Variants in DLG5 observed in about 807,000 individuals in gnomAD.
DLG5 encodes the protein discs large MAGUK scaffold protein 5, also known as disks large homolog 5.
DLG5 carries 48 observed loss-of-function variants against 189.8 expected under a neutral mutation model. The observed-to-expected ratio is 0.25, with a 90% CI of 0.20 to 0.32. The LOEUF is 0.32. DLG5 is among the 10% of genes least tolerant of loss of function. DLG5 has a pLI of 1.00. For missense variants in DLG5, 2,160 were observed against 2,544.7 expected, an observed-to-expected ratio of 0.85 and a Z score of 3.25; for synonymous variants, 1,016 against 1,054.1, an observed-to-expected ratio of 0.96 and a Z score of 0.70.
chr10:77,904,836 C>T (rs1172203569), intron 1 of DLG5, among the ~76,000 whole-genome samples: 2 of 151,988 alleles, frequency 1.3e-5, no homozygotes, highest in Non-Finnish European at 2.9e-5. Context: ...AAGGTAAAAT[C>T]TCCTGGCTCC....
At chr10:77,869,253 C>A in intron 1 of DLG5, 56 bp from the exon 2 acceptor site, 3 of 1,531,752 alleles carry the variant, frequency 2.0e-6, no homozygotes, top group Non-Finnish European at 2.7e-6. Context: ...CGTCTTCACC[C>A]CAAGCCAGCT....
chr10:77,835,826 C>T lies in DLG5; in HGVS notation c.1534G>A (p.Ala512Thr). The T allele has an allele frequency of 6.2e-7, 1 of 1,614,134 alleles. No homozygotes were observed. The highest frequency in any genetic ancestry group is 8.5e-7 in the Non-Finnish European group (1 of 1,180,006). Residue 512 changes from alanine (A) to threonine (T), a missense_variant, in exon 8 of 32, where the codon GCC (alanine) becomes ACC (threonine). By Grantham distance (58) the Ala-to-Thr change is moderately conservative. This residue lies in a region of DLG5 where 664 missense variants were observed against 838.5 expected (regional missense o/e 0.79). Coordinates refer to ENST00000372391, the MANE Select transcript of DLG5 (RefSeq NM_004747.4). Reference sequence around the variant, plus strand: ...TTGGCCACATCCGCCTCCTGGAGGGCTTCCTTCAGCTCCTGGCACAGAGCC... The same window carrying T: ...TTGGCCACATCCGCCTCCTGGAGGGTTTCCTTCAGCTCCTGGCACAGAGCC... ...CKALCQELKE[A>T]LQEADVAKCR...
chr10:77,859,703 G>A (rs2579136), intron 2 of DLG5, among the ~76,000 whole-genome samples: 38,906 of 152,102 alleles, frequency 0.26, 5,578 homozygotes, highest in Admixed American at 0.39. Flanking sequence ...AAATGACAAC[G>A]CATTTCTCAG....
the DLG5 span, among the ~76,000 whole-genome samples, chr10:77,937,656 G>A: frequency 2.0e-5 from 3 of 150,786 alleles, no homozygotes; most frequent in Non-Finnish European, 4.4e-5. Context: ...CCCCACAAAT[G>A]ACCAAAATTG....
chr10:77,936,364 G>T, the DLG5 span, among the ~76,000 whole-genome samples: 10 of 150,170 alleles, frequency 6.7e-5, no homozygotes, highest in South Asian at 1.3e-3. Flanking sequence ...CTTGAACCAG[G>T]AAGTTGGAGG....
At chr10:77,857,878 AG>A (rs749551048) in intron 2 of DLG5, among the ~76,000 whole-genome samples, 1 of 152,214 alleles carries the variant, frequency 6.6e-6, no homozygotes, top group East Asian at 1.9e-4. Context: ...CAGGGGACAC[AG>A]TGTCTGTTCC....
chr10:77,876,873 CTTTT>C (rs35257302), intron 1 of DLG5, among the ~76,000 whole-genome samples: 7 of 143,320 alleles, frequency 4.9e-5, no homozygotes, highest in Non-Finnish European at 9.2e-5. Flanking sequence ...TCTGTCCATT[CTTTT>C]TTTTTTTTTT....
At chr10:77,814,461 TTATA>T (rs59297524) in intron 20 of DLG5, among the ~76,000 whole-genome samples, 7,767 of 69,956 alleles carry the variant, frequency 0.11, 369 homozygotes, top group Admixed American at 0.19. Flanking sequence ...TAAAGCATGT[TTATA>T]TATATATATA....
intron 11 of DLG5, 74 bp from the exon 12 acceptor site, chr10:77,829,604 C>T (rs1842805479): frequency 1.3e-6 from 2 of 1,505,944 alleles, no homozygotes; most frequent in Non-Finnish European, 1.8e-6. Flanking sequence ...AACTCTCACT[C>T]AGGGGGCTGA....
At chr10:77,831,456 A>G (rs1842893003) in intron 9 of DLG5, among the ~76,000 whole-genome samples, 1 of 152,244 alleles carries the variant, frequency 6.6e-6, no homozygotes, top group African/African-American at 2.4e-5. Context: ...AGATTTTTGT[A>G]GATATAGACG....
chr10:77,812,737 C>T (rs191222117), intron 20 of DLG5, among the ~76,000 whole-genome samples: 4 of 152,322 alleles, frequency 2.6e-5, no homozygotes, highest in South Asian at 2.1e-4. Context: ...AGATGCCCTC[C>T]GAGGAAAAGA....
intron 13 of DLG5, among the ~76,000 whole-genome samples, chr10:77,824,999 C>T (rs1842548119): frequency 1.3e-5 from 2 of 152,190 alleles, no homozygotes; most frequent in Non-Finnish European, 2.9e-5. Context: ...TGCAGACCTT[C>T]TTAAGAAGTA....
chr10:77,835,993 T>C (rs1375720748), intron 7 of DLG5, 71 bp from the exon 8 acceptor site: 2 of 1,508,520 alleles, frequency 1.3e-6, no homozygotes, highest in Admixed American at 3.8e-5. Flanking sequence ...CTCCCACCAG[T>C]GCGGGGGCCA....
intron 1 of DLG5, among the ~76,000 whole-genome samples, chr10:77,874,952 A>G (rs1845037298): frequency 6.6e-6 from 1 of 152,246 alleles, no homozygotes; most frequent in South Asian, 2.1e-4. Context: ...CAAGAAAAAT[A>G]ATAGCAGCTA....
At chr10:77,814,461 T>TTATA (rs59297524) in intron 20 of DLG5, among the ~76,000 whole-genome samples, 1,263 of 70,504 alleles carry the variant, frequency 0.018, 56 homozygotes, top group Non-Finnish European at 0.027. Flanking sequence ...TAAAGCATGT[T>TTATA]TATATATATA....
chr10:77,833,821 G>A, intron 9 of DLG5, 93 bp downstream of exon 9: 1 of 1,537,814 alleles, frequency 6.5e-7, no homozygotes, highest in South Asian at 1.2e-5. Flanking sequence ...TGAGGCCCTG[G>A]CCAATGCACT....
chr10:77,871,567 G>C (rs1844902665), intron 1 of DLG5, among the ~76,000 whole-genome samples: 1 of 100,142 alleles, frequency 1.0e-5, no homozygotes, highest in Non-Finnish European at 1.8e-5. Flanking sequence ...TTTTGAGACA[G>C]AGTCTTGCAC....
chr10:77,819,554 A>C, intron 16 of DLG5, 89 bp from the exon 17 acceptor site: 2 of 1,478,834 alleles, frequency 1.4e-6, no homozygotes, highest in South Asian at 2.8e-5. Flanking sequence ...CCCAGGACGC[A>C]GCCGCAGTCT....
Position 77,926,359 on chromosome 10 carries a change from C to T in DLG5, c.162G>A (p.Glu54=). The T allele has an allele frequency of 6.2e-7, 1 of 1,601,732 alleles. No homozygotes were observed. The highest frequency in any genetic ancestry group is 1.1e-5 in the South Asian group (1 of 88,210). ...LDEEAGGAKA[E]LLLKLLLAKE... is the part of the protein sequence containing the mutation. ...TGGCCAAGAGCAGCTTGAGCAGCAG[C>T]TCCGCCTTGGCGCCTCCCGCCTCCT... Residue 54 remains glutamate (E), a synonymous_variant, in exon 1 of 32, where the codon GAG becomes GAA. Coordinates refer to ENST00000372391, the MANE Select transcript of DLG5 (RefSeq NM_004747.4). This position sits in a 1 kb window ranked among gnomAD's most constrained non-coding sequence, Gnocchi z 5.2.
Sources: allele counts gnomAD v4.1 joint callset (sites outside exome capture counted in the v4.1 genomes callset), GRCh38; gene constraint gnomAD v4.1.1; regional missense constraint gnomAD v4.1.1; non-coding constraint Gnocchi (gnomAD v3.1); transcripts MANE v1.5; gene names NCBI Gene and HGNC (gene_info 2026-07-23, HGNC 2026-07-21).